Variants in COG5 observed in about 807,000 individuals in gnomAD.
COG5 encodes the protein conserved oligomeric Golgi complex subunit 5.
In COG5, 86 loss-of-function variants were observed where a neutral mutation model predicts 110.4. The observed-to-expected ratio is 0.78, with a 90% CI of 0.65 to 0.93. COG5 has a LOEUF of 0.93. COG5 is among the 40% of genes least tolerant of loss of function. The probability of loss-of-function intolerance (pLI) is 0.00; values close to 1 mark genes in which losing one functional copy is unlikely to be tolerated. For missense variants in COG5, 1,077 were observed against 987.0 expected, an observed-to-expected ratio of 1.09 and a Z score of -1.22; for synonymous variants, 360 against 334.6, an observed-to-expected ratio of 1.08 and a Z score of -0.83.
At position 107,496,679 on chromosome 7, in the gene COG5, A is replaced by C. The variant is rs1270112809; in HGVS notation, c.538+30558T>G. Among the ~76,000 whole-genome samples the C allele has an allele frequency of 2.0e-5, 3 of 151,656 alleles. No individual in the cohort carries two copies. The East Asian group carries it at 5.8e-4, about 29-fold the overall frequency. On this transcript the variant is annotated intron_variant, in intron 6 of 21. Coordinates refer to ENST00000297135, the MANE Select transcript of COG5 (RefSeq NM_006348.5). ...TCTCAAAAAAAAAACAAAAAACAAA[A>C]AACAAAAAAACAATCAATATAATAT...
rs1264166636 is a variant in COG5 at position 107,467,319 on chromosome 7, C to T, written c.539-54687G>A. 5.3e-5 allele frequency among the ~76,000 whole-genome samples: 8 copies of T among 152,040 alleles called. No individual in the cohort carries two copies. In the South Asian group the frequency reaches 8.3e-4, roughly 16 times the overall value. On this transcript the variant is annotated intron_variant, in intron 6 of 21. Transcript: ENST00000297135. ...AAATGCACAAGTGTGAGTGTTACTA[C>T]GGAAACAAGGATCTTCATAAATTGA...
chr7:107,331,264 G>A (rs1229100007), intron 10 of COG5, among the ~76,000 whole-genome samples: 1 of 151,986 alleles, frequency 6.6e-6, no homozygotes, highest in East Asian at 1.9e-4. Context: ...TCAGGAGATC[G>A]GGACCATCCT....
rs186883791 is a variant in COG5, at chr7:107,319,738, A to G, written c.1108+4702T>C. On this transcript the variant is annotated intron_variant, in intron 11 of 21. Coordinates refer to ENST00000297135, the MANE Select transcript of COG5 (RefSeq NM_006348.5). ...AAATTTACGTGATTTAGGATCCAAC[A>G]CAACTAATCTCTAATTTATTATGCT... is the stretch of plus-strand genomic sequence containing the variant. Among the ~76,000 whole-genome samples the G allele has an allele frequency of 4.4e-3, 664 of 152,302 alleles. 6 individuals carry two copies. The highest frequency in any genetic ancestry group is 0.016 in the African/African-American group (649 of 41,562).
At chr7:107,246,194 C>A (rs1210438093) in intron 17 of COG5, among the ~76,000 whole-genome samples, 1 of 152,176 alleles carries the variant, frequency 6.6e-6, no homozygotes, top group African/African-American at 2.4e-5. Flanking sequence ...CCCTTCCTTA[C>A]ACCATACACA....
At chr7:107,308,920 G>C (rs182996013) in intron 11 of COG5, among the ~76,000 whole-genome samples, 2 of 141,622 alleles carry the variant, frequency 1.4e-5, no homozygotes, top group Admixed American at 8.2e-5. Flanking sequence ...TATCTCCTTG[G>C]CTTTCTAATG....
chr7:107,506,989 G>T (rs1799063774), intron 6 of COG5, among the ~76,000 whole-genome samples: 1 of 152,226 alleles, frequency 6.6e-6, no homozygotes, highest in Non-Finnish European at 1.5e-5. Flanking sequence ...TCTGCAGACT[G>T]GGAAAGCACG....
At chr7:107,556,871 A>C (rs1400493121) in intron 2 of COG5, among the ~76,000 whole-genome samples, 1 of 151,994 alleles carries the variant, frequency 6.6e-6, no homozygotes, top group Non-Finnish European at 1.5e-5. Flanking sequence ...CCCAGGTTCA[A>C]GTGATTCTCC....
intron 12 of COG5, among the ~76,000 whole-genome samples, chr7:107,289,574 C>T (rs779953445): frequency 9.9e-5 from 15 of 152,054 alleles, no homozygotes; most frequent in South Asian, 2.1e-4. Context: ...TGTACTGAAT[C>T]GATATATATC....
intron 6 of COG5, among the ~76,000 whole-genome samples, chr7:107,446,058 G>A (rs984205615): frequency 6.6e-6 from 1 of 152,172 alleles, no homozygotes; most frequent in African/African-American, 2.4e-5. Flanking sequence ...TCATTACAGA[G>A]GGAGCAGCCA....
chr7:107,558,035 C>G lies in COG5; in HGVS notation c.175G>C (p.Glu59Gln). The G allele has an allele frequency of 3.1e-6, 5 of 1,613,986 alleles. No homozygotes were observed. The highest frequency in any genetic ancestry group is 3.4e-6 in the Non-Finnish European group (4 of 1,179,974). ...SQSIHQAVIA[E>Q]QLAKLAQGIS... Reference sequence around the variant, plus strand: ...CCTTGGGCAAGTTTTGCTAGTTGTTCAGCAATTACAGCTTGATGAATAGAT... The same window carrying G: ...CCTTGGGCAAGTTTTGCTAGTTGTTGAGCAATTACAGCTTGATGAATAGAT... The change falls in exon 2 of 22, where the codon GAA becomes CAA. Residue 59 changes from glutamate (E) to glutamine (Q), a missense_variant. By Grantham distance (29) the Glu-to-Gln change is conservative. Coordinates refer to ENST00000297135, the MANE Select transcript of COG5 (RefSeq NM_006348.5).
At chr7:107,458,637 A>G (rs1008638646) in intron 6 of COG5, among the ~76,000 whole-genome samples, 1 of 152,180 alleles carries the variant, frequency 6.6e-6, no homozygotes, top group Non-Finnish European at 1.5e-5. Context: ...GAAGGATCAC[A>G]TGAGGCCAGG....
At chr7:107,563,520 G>A in intron 1 of COG5, 1 of 456,856 alleles carries the variant, frequency 2.2e-6, no homozygotes, top group East Asian at 4.2e-5. Flanking sequence ...TTGGGCTCCC[G>A]AAACTTCAGG....
chr7:107,301,526 C>T (rs1255105800), intron 11 of COG5, among the ~76,000 whole-genome samples: 1 of 152,070 alleles, frequency 6.6e-6, no homozygotes, highest in Non-Finnish European at 1.5e-5. Flanking sequence ...CAAATTAAAA[C>T]CACAATGAGA....
At chr7:107,473,851 ATTTTC>A (rs1796803633) in intron 6 of COG5, among the ~76,000 whole-genome samples, 1 of 151,944 alleles carries the variant, frequency 6.6e-6, no homozygotes, top group Non-Finnish European at 1.5e-5. Context: ...GGAAAACACA[ATTTTC>A]TTTTATATCA....
rs565309259 is a variant in COG5, at chr7:107,521,002, C to A, written c.538+6235G>T. Among the ~76,000 whole-genome samples, 112 of 152,224 alleles carry A rather than the reference C, an allele frequency of 7.4e-4. 1 individual carries two copies. Among genetic ancestry groups the A allele is most frequent in the South Asian group, 2.7e-3 (13 of 4,824 alleles). ...AGAAATAACACTACACATGTACAAC[C>A]AGCTGATCTTCAACAAATTGGACAA... On this transcript the variant is annotated intron_variant, in intron 6 of 21. Coordinates refer to ENST00000297135, the MANE Select transcript of COG5 (RefSeq NM_006348.5).
intron 12 of COG5, among the ~76,000 whole-genome samples, chr7:107,293,587 A>G (rs1434491821): frequency 1.3e-5 from 2 of 152,082 alleles, no homozygotes; most frequent in African/African-American, 4.8e-5. Context: ...AAATGAACTC[A>G]TTCTTTGGGG....
chr7:107,255,828 C>T (rs1350907581), intron 16 of COG5, among the ~76,000 whole-genome samples: 2 of 151,986 alleles, frequency 1.3e-5, no homozygotes, highest in Non-Finnish European at 2.9e-5. Flanking sequence ...GCTTTATGGC[C>T]TTAGTTACTT....
intron 16 of COG5, among the ~76,000 whole-genome samples, chr7:107,251,118 A>C (rs1802469811): frequency 6.6e-6 from 1 of 151,074 alleles, no homozygotes; most frequent in Non-Finnish European, 1.5e-5. Flanking sequence ...ATAAACAGAA[A>C]ATCTTGAAAC....
intron 12 of COG5, 68 bp downstream of exon 12, chr7:107,298,073 TA>T (rs1308400222): frequency 1.7e-5 from 12 of 692,816 alleles, no homozygotes; most frequent in Middle Eastern, 4.6e-4. Context: ...AAAATAAAAA[TA>T]AAAGATAAAA....
Sources: gnomAD v4.1 joint callset for allele counts (sites outside exome capture counted in the v4.1 genomes callset) on GRCh38, gnomAD v4.1.1 for gene constraint, MANE v1.5 for transcripts, NCBI Gene and HGNC (gene_info 2026-07-23, HGNC 2026-07-21) for gene names.